CSNK1G1: variants seen among roughly 807,000 people sequenced by gnomAD.
CSNK1G1 encodes the protein casein kinase I isoform gamma-1.
CSNK1G1 carries 22 observed loss-of-function variants against 59.6 expected under a neutral mutation model. The ratio of observed to expected loss-of-function variants is 0.37; its 90% CI spans 0.26 to 0.53. CSNK1G1 has a LOEUF of 0.53. CSNK1G1 is among the 20% of genes least tolerant of loss of function. The probability of loss-of-function intolerance (pLI) is 0.89; values close to 1 mark genes in which losing one functional copy is unlikely to be tolerated. For missense variants in CSNK1G1, 384 were observed against 519.5 expected (o/e 0.74, Z 2.54); for synonymous variants, 179 against 177.1 (o/e 1.01, Z -0.08).
Position 64,171,950 on chromosome 15 carries a change from G to T in CSNK1G1, c.1250C>A (p.Thr417Asn). ...CACTGGTCACTTGTGGCGCTGAGCA[G>T]TCTTCTTCCTTTTCCTCTTAAAGAA... ...CCFFKRKRKK[T>N]AQRHK is the part of the protein sequence containing the mutation. Residue 417 changes from threonine (T) to asparagine (N), a missense_variant, in exon 12 of 12, where the codon ACT becomes AAT. Thr to Asn is a moderately conservative substitution (Grantham distance 65, BLOSUM62 0). Around this residue, in one of 3 missense-constraint regions of CSNK1G1, gnomAD observed 325 missense variants for 440.9 expected, o/e 0.74. Transcript: ENST00000303052. This position sits in a 1 kb window ranked among gnomAD's most constrained non-coding sequence, Gnocchi z 4.8. 6.2e-7 allele frequency: 1 copy of T among 1,614,186 alleles called. No individual in the cohort carries two copies. The highest frequency in any genetic ancestry group is 8.5e-7 in the Non-Finnish European group (1 of 1,180,026).
Position 64,238,494 on chromosome 15 carries a change from T to TAAAAA in CSNK1G1, c.292+13013_292+13017dup, listed in dbSNP as rs1169739046. ...GGTGACAGAGCAAGACCCTGTCCCT[T>TAAAAA]AAAAAAAAAAAAAAAAAAAAAAAAA... is the stretch of plus-strand genomic sequence containing the variant. On this transcript the variant is annotated intron_variant, in intron 4 of 11. Transcript: ENST00000303052. Among the ~76,000 whole-genome samples the TAAAAA allele has an allele frequency of 1.5e-3, 86 of 56,430 alleles. 2 individuals carry two copies. Among genetic ancestry groups the TAAAAA allele is most frequent in the South Asian group, 1.7e-3 (2 of 1,144 alleles). The allele number at this position is 56,430 out of a possible 152,430, so 37.0% of individuals were successfully genotyped here. A position where few individuals can be genotyped will look rare whatever the true frequency, so the allele number is the denominator to read the frequency against.
Position 64,210,794 on chromosome 15 carries a change from T to C in CSNK1G1, c.679+3096A>G, listed in dbSNP as rs141625009. Among the ~76,000 whole-genome samples the C allele has an allele frequency of 4.7e-3, 720 of 152,298 alleles. 6 individuals are homozygous for C. Among genetic ancestry groups the C allele is most frequent in the African/African-American group, 0.017 (693 of 41,570 alleles). On this transcript the variant is annotated intron_variant, in intron 6 of 11. Transcript: ENST00000303052. The surrounding 1 kb of genome is among the most constrained non-coding windows in gnomAD (Gnocchi z 4.2). ...CCCCCCAACACACACAAACCTCACG[T>C]TGAAATTTGATCCCAATGTTCGAAG...
chr15:64,199,250 C>CAAAAAAAAAAAAAAAAAAAAA (rs56819260), intron 10 of CSNK1G1, among the ~76,000 whole-genome samples: 2 of 52,340 alleles, frequency 3.8e-5, no homozygotes, highest in East Asian at 6.4e-4. Context: ...AATCTTTTCT[C>CAAAAAAAAAAAAAAAAAAAAA]AAAAAAAAAA....
intron 4 of CSNK1G1, among the ~76,000 whole-genome samples, chr15:64,233,491 G>A (rs1227704153): frequency 6.6e-6 from 1 of 152,104 alleles, no homozygotes; most frequent in East Asian, 1.9e-4. Flanking sequence ...AGGCAGGGAA[G>A]GACCACAGGA....
In CSNK1G1 at chr15:64,214,075, A is replaced by G; in HGVS notation, c.494T>C (p.Val165Ala). 1 of 1,614,106 alleles carries G rather than the reference A, an allele frequency of 6.2e-7. No individual in the cohort carries two copies. The highest frequency in any genetic ancestry group is 1.1e-5 in the South Asian group (1 of 91,068). The change falls in exon 6 of 12, where the codon GTC becomes GCC. Residue 165 changes from valine to alanine, a missense_variant. Physicochemically the swap from Val to Ala is moderately conservative, Grantham distance 64. Around this residue, in one of 3 missense-constraint regions of CSNK1G1, gnomAD observed 325 missense variants for 440.9 expected, o/e 0.74. Transcript: ENST00000303052. This position sits in a 1 kb window ranked among gnomAD's most constrained non-coding sequence, Gnocchi z 4.3. ...VHSKNLIYRD[V>A]KPENFLIGRQ... ...ACCAATCAGGAAGTTCTCTGGCTTGACATCTCGGTAAATGAGGTTCTTTGA... is the reference window on the plus strand; with the variant it reads ...ACCAATCAGGAAGTTCTCTGGCTTGGCATCTCGGTAAATGAGGTTCTTTGA...
chr15:64,313,441 T>A (rs887373356), intron 1 of CSNK1G1, among the ~76,000 whole-genome samples: 18 of 152,194 alleles, frequency 1.2e-4, no homozygotes, highest in African/African-American at 4.1e-4. Context: ...TGGGTTCATG[T>A]CCTTTGCAGG....
In CSNK1G1 at chr15:64,181,577, C is replaced by A. The variant is rs963278383; in HGVS notation, c.1108-1123G>T. 4 of 804,410 alleles carry A rather than the reference C, an allele frequency of 5.0e-6. No individual in the cohort carries two copies. In the Admixed American group the frequency reaches 1.0e-4, roughly 20 times the overall value. The allele number at this position is 804,410 out of a possible 1,614,324, so 49.8% of individuals were successfully genotyped here. A position where few individuals can be genotyped will look rare whatever the true frequency, so the allele number is the denominator to read the frequency against. On this transcript the variant is annotated intron_variant, in intron 10 of 11. Transcript: ENST00000303052. ...ATGTATGAGACTGTCTAGTATAATA[C>A]CTAGCATAAATAAGGGAAGCAGCAT... is the stretch of plus-strand genomic sequence containing the variant.
At chr15:64,240,100 G>A (rs1485985706) in intron 4 of CSNK1G1, among the ~76,000 whole-genome samples, 1 of 152,210 alleles carries the variant, frequency 6.6e-6, no homozygotes, top group East Asian at 1.9e-4. Context: ...CAGGCATAGT[G>A]GTGTATGCCT....
At chr15:64,185,862 GAAA>G (rs375409365) in intron 10 of CSNK1G1, among the ~76,000 whole-genome samples, 2 of 82,808 alleles carry the variant, frequency 2.4e-5, no homozygotes, top group African/African-American at 4.7e-5. Flanking sequence ...ACTCCATCTC[GAAA>G]AAAAAAAAAA....
chr15:64,238,107 T>C (rs1410244042), intron 4 of CSNK1G1, among the ~76,000 whole-genome samples: 1 of 152,110 alleles, frequency 6.6e-6, no homozygotes, highest in East Asian at 1.9e-4. Flanking sequence ...GGGGGCATCA[T>C]GTGAAACAGG....
intron 11 of CSNK1G1, chr15:64,179,981 G>A (rs78965170): frequency 0.04 from 6,964 of 173,666 alleles, 259 homozygotes; most frequent in Admixed American, 0.12. Context: ...ATCAGAAATC[G>A]AATGCTATTC....
chr15:64,293,870 A>G (rs542537629), intron 2 of CSNK1G1, among the ~76,000 whole-genome samples: 85 of 152,296 alleles, frequency 5.6e-4, no homozygotes, highest in Non-Finnish European at 9.7e-4. Flanking sequence ...CCCCTGGTAC[A>G]TGGAAAAATT....
At chr15:64,173,444 T>C (rs2081699839) in intron 11 of CSNK1G1, among the ~76,000 whole-genome samples, 1 of 152,196 alleles carries the variant, frequency 6.6e-6, no homozygotes, top group South Asian at 2.1e-4. Context: ...TGTGAGGTAC[T>C]ATTAATGGGT....
chr15:64,207,622 T>C (rs1307217061), intron 6 of CSNK1G1, 28 bp from the exon 7 acceptor site: 1 of 1,557,544 alleles, frequency 6.4e-7, no homozygotes, highest in African/African-American at 1.4e-5. Flanking sequence ...TCACACATTA[T>C]GTTTGCAGTT....
At chr15:64,309,660 AAC>A (rs1201977467) in intron 1 of CSNK1G1, among the ~76,000 whole-genome samples, 1 of 152,220 alleles carries the variant, frequency 6.6e-6, no homozygotes, top group Non-Finnish European at 1.5e-5. Context: ...TGTTTTGGGA[AAC>A]AGACATTTGA....
intron 1 of CSNK1G1, among the ~76,000 whole-genome samples, chr15:64,346,473 T>TA (rs1897985741): frequency 6.8e-6 from 1 of 147,204 alleles, no homozygotes; most frequent in Non-Finnish European, 1.5e-5. Flanking sequence ...TTTATTTATT[T>TA]TGAGACATAG....
At chr15:64,221,274 G>GTT (rs145788574) in intron 4 of CSNK1G1, among the ~76,000 whole-genome samples, 1,886 of 152,240 alleles carry the variant, frequency 0.012, 29 homozygotes, top group African/African-American at 0.044. Flanking sequence ...CAATACTTAA[G>GTT]GTTCAGTTTA....
intron 10 of CSNK1G1, among the ~76,000 whole-genome samples, chr15:64,187,884 G>C (rs963117241): frequency 6.6e-6 from 1 of 152,144 alleles, no homozygotes; most frequent in Non-Finnish European, 1.5e-5. Flanking sequence ...ATTGATTCCA[G>C]GGAGAAAAAA....
At chr15:64,317,593 A>G (rs1896343064) in intron 1 of CSNK1G1, among the ~76,000 whole-genome samples, 1 of 149,274 alleles carries the variant, frequency 6.7e-6, no homozygotes, top group Admixed American at 6.7e-5. Flanking sequence ...TGTTTTCAAC[A>G]GGGTTTCGTT....
Sources: gnomAD v4.1 joint callset for allele counts (sites outside exome capture counted in the v4.1 genomes callset) on GRCh38, gnomAD v4.1.1 for gene constraint, gnomAD v4.1.1 regional missense constraint, Gnocchi (gnomAD v3.1) non-coding constraint, MANE v1.5 for transcripts, NCBI Gene and HGNC (gene_info 2026-07-23, HGNC 2026-07-21) for gene names.